The following GSTM4 variants were observed in gnomAD, a reference collection of about 807,000 sequenced individuals.
GSTM4 encodes the protein glutathione S-transferase mu 4.
GSTM4 carries 27 observed loss-of-function variants against 30.1 expected under a neutral mutation model. The ratio of observed to expected loss-of-function variants is 0.90; its 90% CI spans 0.66 to 1.24. GSTM4 has a LOEUF of 1.24. Among genes scored for constraint, GSTM4 ranks in the 50% most tolerant of loss-of-function variants. The pLI is 0.00. For synonymous variants in GSTM4, 94 were observed against 96.2 expected (o/e 0.98, Z 0.13); for missense variants, 238 against 272.1 (o/e 0.87, Z 0.88).
downstream of GSTM4, among the ~76,000 whole-genome samples, chr1:109,663,565 T>G (rs909254597): frequency 1.3e-5 from 2 of 151,988 alleles, no homozygotes; most frequent in African/African-American, 4.8e-5. Flanking sequence ...CTCAGGAGGC[T>G]GAGGCAGGAG....
chr1:109,659,537 G>A, intron 7 of GSTM4: 1 of 551,118 alleles, frequency 1.8e-6, no homozygotes, highest in Non-Finnish European at 3.1e-6. Flanking sequence ...GAGCATGGAT[G>A]CAGCTGGCAA....
downstream of GSTM4, among the ~76,000 whole-genome samples, chr1:109,666,475 C>T (rs2101238300): frequency 6.6e-6 from 1 of 152,280 alleles, no homozygotes; most frequent in East Asian, 1.9e-4. Flanking sequence ...TCCCATACTC[C>T]CTACCCTGTA....
downstream of GSTM4, among the ~76,000 whole-genome samples, chr1:109,666,504 G>C (rs1256047782): frequency 6.6e-6 from 1 of 152,170 alleles, no homozygotes; most frequent in Non-Finnish European, 1.5e-5. Context: ...GATCAAGGCT[G>C]CCCAGCCTGT....
Position 109,661,544 on chromosome 1 carries a change from G to A in GSTM4, c.*290G>A. ...CTGACCTTCCTTCCTGTTAGTGGTT[G>A]TATCTGCTTTGAAGGGCCTACCTGG... On this transcript the variant is annotated 3_prime_UTR_variant, in exon 8 of 8. Coordinates refer to ENST00000369836, the MANE Select transcript of GSTM4 (RefSeq NM_000850.5). 1 of 1,311,110 alleles carries A rather than the reference G, an allele frequency of 7.6e-7. No individual in the cohort carries two copies. Among genetic ancestry groups the A allele is most frequent in the East Asian group, 3.3e-5 (1 of 30,664 alleles). 81.2% of individuals were successfully genotyped at this position (1,311,110 alleles called of 1,614,324 possible). A position where few individuals can be genotyped will look rare whatever the true frequency, so the allele number is the denominator to read the frequency against.
rs1451854117 is a variant in GSTM4 at position 109,661,503 on chromosome 1, C to T, written c.*249C>T. 2 of 1,365,460 alleles carry T rather than the reference C, an allele frequency of 1.5e-6. No homozygotes were observed. Among genetic ancestry groups the T allele is most frequent in the African/African-American group, 2.9e-5 (2 of 68,552 alleles). 84.6% of individuals were successfully genotyped at this position (1,365,460 alleles called of 1,614,324 possible). The stretch of plus-strand genomic sequence containing the variant: ...ATCCCCCTCCCAACACTACCCTTCC[C>T]TGCACTAAAGCCAGCCTGACCTTCC... On this transcript the variant is annotated 3_prime_UTR_variant, in exon 8 of 8. Coordinates refer to ENST00000369836, the MANE Select transcript of GSTM4 (RefSeq NM_000850.5).
chr1:109,661,732 C>T (rs1432876463), downstream of GSTM4: 2 of 1,040,664 alleles, frequency 1.9e-6, no homozygotes, highest in African/African-American at 3.4e-5. Flanking sequence ...TTGCTCCTGG[C>T]TGCCCAGACT....
chr1:109,665,352 C>A (rs1647281940), downstream of GSTM4: 2 of 399,506 alleles, frequency 5.0e-6, no homozygotes, highest in East Asian at 8.6e-5. Flanking sequence ...TGTTCTGAGG[C>A]CTTTAGCCTC....
intron 7 of GSTM4, chr1:109,659,784 C>A: frequency 1.8e-6 from 1 of 557,564 alleles, no homozygotes; most frequent in Middle Eastern, 3.1e-4. Context: ...TCTTTTTTCC[C>A]TCCAGTGTTC....
intron 7 of GSTM4, chr1:109,659,514 C>A: frequency 2.9e-6 from 2 of 686,704 alleles, no homozygotes; most frequent in Non-Finnish European, 4.6e-6. Flanking sequence ...TTGGAAGAGG[C>A]AGAGAACTTT....
chr1:109,664,746 CATCTT>C (rs1647251183), downstream of GSTM4, among the ~76,000 whole-genome samples: 1 of 152,122 alleles, frequency 6.6e-6, no homozygotes, highest in African/African-American at 2.4e-5. Context: ...ATTGCAGTTT[CATCTT>C]ATAATATTTT....
downstream of GSTM4, among the ~76,000 whole-genome samples, chr1:109,662,044 C>T (rs1652343859): frequency 6.6e-6 from 1 of 152,136 alleles, no homozygotes; most frequent in Non-Finnish European, 1.5e-5. Flanking sequence ...CCAGGCTGGT[C>T]TGGAACTCCT....
At chr1:109,661,102 G>A in intron 7 of GSTM4, 63 bp from the exon 8 acceptor site, 2 of 1,595,358 alleles carry the variant, frequency 1.3e-6, no homozygotes, top group East Asian at 4.5e-5. Flanking sequence ...GTCTGCAGTG[G>A]GGTTGTCCCA....
Position 109,656,269 on chromosome 1 carries a change from G to C in GSTM4, c.-121G>C. On this transcript the variant is annotated 5_prime_UTR_variant, in exon 1 of 8. Transcript: ENST00000369836. ...GTGACGACCTTGAAGATCGGCGGGC[G>C]CAGCGGGGCCGAGGGGGCGGGTCTG... is the stretch of plus-strand genomic sequence containing the variant. 2.1e-6 allele frequency: 2 copies of C among 945,840 alleles called. No homozygotes were observed. The highest frequency in any genetic ancestry group is 3.4e-6 in the Non-Finnish European group (2 of 586,400). The allele number at this position is 945,840 out of a possible 1,614,324, so 58.6% of individuals were successfully genotyped here.
chr1:109,665,358 G>A (rs1387056350), downstream of GSTM4: 1 of 371,150 alleles, frequency 2.7e-6, no homozygotes, highest in Admixed American at 3.9e-5. Context: ...GAGGCCTTTA[G>A]CCTCTGAATG....
intron 7 of GSTM4, chr1:109,659,494 C>CTGGATTTCA (rs1652202275): frequency 8.1e-6 from 7 of 863,164 alleles, no homozygotes; most frequent in African/African-American, 1.7e-5. Context: ...ATTTCACAGC[C>CTGGATTTCA]CAGGGCACTT....
chr1:109,657,850 G>C lies in GSTM4; in HGVS notation c.338G>C (p.Arg113Thr). 6.2e-7 allele frequency: 1 copy of C among 1,614,184 alleles called. No homozygotes were observed. The change falls in exon 5 of 8, where the codon AGA (arginine) becomes ACA (threonine). Residue 113 changes from arginine to threonine, a missense_variant. Arg to Thr is a moderately conservative substitution (Grantham distance 71). Transcript: ENST00000369836. The part of the protein sequence containing the change: ...QAMDVSNQLA[R>T]VCYSPDFEKL... The stretch of plus-strand genomic sequence containing the variant: ...ATGGACGTCTCCAATCAGCTGGCCA[G>C]AGTCTGCTACAGCCCTGACTTTGTG...
At chr1:109,658,118 T>A (rs1652121653) in intron 5 of GSTM4, 2 of 539,120 alleles carry the variant, frequency 3.7e-6, no homozygotes, top group Admixed American at 3.2e-5. Flanking sequence ...CAGAATTCCC[T>A]TCACCTCTGA....
downstream of GSTM4, chr1:109,665,153 T>C (rs1012972663): frequency 1.3e-6 from 1 of 756,114 alleles, no homozygotes; most frequent in Admixed American, 1.9e-5. Flanking sequence ...CAGCAAAGAT[T>C]TCCTTCAGCA....
At chr1:109,664,164 A>G (rs1647215995), downstream of GSTM4, among the ~76,000 whole-genome samples, 1 of 152,136 alleles carries the variant, frequency 6.6e-6, no homozygotes. Context: ...CCTATTGGGC[A>G]TGTGGATTTT....
Sources: allele counts gnomAD v4.1 joint callset (sites outside exome capture counted in the v4.1 genomes callset), GRCh38; gene constraint gnomAD v4.1.1; transcripts MANE v1.5; gene names NCBI Gene and HGNC (gene_info 2026-07-23, HGNC 2026-07-21).